Variants in PRKCA observed in about 807,000 individuals in gnomAD.
PRKCA encodes protein kinase C alpha.
In PRKCA, 27 loss-of-function variants were observed where a neutral mutation model predicts 87.0. The observed-to-expected ratio is 0.31, with a 90% CI of 0.23 to 0.43. The LOEUF (loss-of-function observed/expected upper bound fraction) is 0.43. PRKCA is among the 20% of genes least tolerant of loss of function. The pLI, the probability that PRKCA is intolerant of heterozygous loss-of-function variation, is 1.00. For missense variants in PRKCA, 518 were observed against 852.3 expected (o/e 0.61, Z 4.88); for synonymous variants, 329 against 311.1 (o/e 1.06, Z -0.61).
intron 13 of PRKCA, among the ~76,000 whole-genome samples, chr17:66,758,880 T>C (rs932089309): frequency 2.6e-5 from 4 of 152,202 alleles, no homozygotes; most frequent in Non-Finnish European, 4.4e-5. Context: ...TAAAATACTT[T>C]TAGTATTCTT....
chr17:66,457,518 G>A (rs1161346042), intron 2 of PRKCA, among the ~76,000 whole-genome samples: 3 of 152,124 alleles, frequency 2.0e-5, no homozygotes, highest in Non-Finnish European at 1.5e-5. Flanking sequence ...TAGCCATTGA[G>A]ATGGTTTGGC....
At chr17:66,660,977 C>T (rs1971883204) in intron 5 of PRKCA, among the ~76,000 whole-genome samples, 1 of 152,026 alleles carries the variant, frequency 6.6e-6, no homozygotes, top group Non-Finnish European at 1.5e-5. Context: ...GGGGAATTAG[C>T]AAAAGAAATC....
intron 2 of PRKCA, among the ~76,000 whole-genome samples, chr17:66,317,661 G>A (rs1905394382): frequency 6.6e-6 from 1 of 151,970 alleles, no homozygotes; most frequent in African/African-American, 2.4e-5. Context: ...AATAAGGAAT[G>A]ATTTGTGGTG....
At chr17:66,520,436 T>C (rs192575523) in intron 3 of PRKCA, among the ~76,000 whole-genome samples, 134 of 152,158 alleles carry the variant, frequency 8.8e-4, no homozygotes, top group Middle Eastern at 3.4e-3. Context: ...TGCTAATTTT[T>C]AAATCTTTTA....
intron 5 of PRKCA, among the ~76,000 whole-genome samples, chr17:66,650,054 A>G (rs192932194): frequency 0.058 from 8,861 of 152,302 alleles, 312 homozygotes; most frequent in Admixed American, 0.081. Context: ...TTTATGGTCC[A>G]GATGCGAGTG....
intron 2 of PRKCA, among the ~76,000 whole-genome samples, chr17:66,451,624 A>G (rs1402649469): frequency 6.6e-6 from 1 of 152,084 alleles, no homozygotes; most frequent in Non-Finnish European, 1.5e-5. Context: ...CTTTGATCAT[A>G]TTTGTATTTG....
At chr17:66,664,741 T>C (rs570523467) in intron 5 of PRKCA, among the ~76,000 whole-genome samples, 1 of 142,948 alleles carries the variant, frequency 7.0e-6, no homozygotes, top group Admixed American at 7.4e-5. Flanking sequence ...GCAGCCATGA[T>C]GAGCTGCCGG....
At chr17:66,451,067 G>A (rs923431814) in intron 2 of PRKCA, among the ~76,000 whole-genome samples, 1 of 152,202 alleles carries the variant, frequency 6.6e-6, no homozygotes, top group African/African-American at 2.4e-5. Context: ...AAGAAATGAT[G>A]AAGTGAATAT....
chr17:66,499,388 C>A (rs1291801553), intron 3 of PRKCA, among the ~76,000 whole-genome samples: 3 of 152,122 alleles, frequency 2.0e-5, no homozygotes, highest in African/African-American at 7.2e-5. Context: ...GTGATCGTAT[C>A]TCTGTGTTTG....
chr17:66,777,618 A>C, intron 14 of PRKCA: 5 of 985,276 alleles, frequency 5.1e-6, no homozygotes, highest in Non-Finnish European at 6.0e-6. Context: ...AGGCCCCCTA[A>C]GAGTCCTGCT....
intron 14 of PRKCA, among the ~76,000 whole-genome samples, chr17:66,779,479 CTTTGATTTCACTCCTACTGA>C (rs1245792548): frequency 1.3e-5 from 2 of 152,038 alleles, no homozygotes; most frequent in African/African-American, 2.4e-5. Flanking sequence ...GTTATTTATG[CTTTGATTTCACTCCTACTGA>C]ATCAGTAATC....
At chr17:66,520,818 T>G (rs1967136371) in intron 3 of PRKCA, among the ~76,000 whole-genome samples, 1 of 152,110 alleles carries the variant, frequency 6.6e-6, no homozygotes, top group Admixed American at 6.5e-5. Context: ...TTCCTAAACT[T>G]ATCAGGAAAA....
intron 3 of PRKCA, among the ~76,000 whole-genome samples, chr17:66,585,718 A>G (rs1969573714): frequency 6.6e-6 from 1 of 152,226 alleles, no homozygotes; most frequent in East Asian, 1.9e-4. Context: ...TTTGAAATCC[A>G]GCTCACTGTT....
chr17:66,578,135 T>TAAAAAA lies in PRKCA; in HGVS notation c.289-63216_289-63215insAAAAAA, dbSNP rs1491585607. 1.4e-5 allele frequency among the ~76,000 whole-genome samples: 2 copies of TAAAAAA among 140,408 alleles called. 1 individual carries two copies. The allele number at this position is 140,408 out of a possible 152,430, so 92.1% of individuals were successfully genotyped here. A position where few individuals can be genotyped will look rare whatever the true frequency, so the allele number is the denominator to read the frequency against. ...CAGCCAGCTAACGAGAGACTGAATT[T>TAAAAAA]AAAACAAAACAAAACAAAACAAAAC... On this transcript the variant is annotated intron_variant, in intron 3 of 16. Coordinates refer to ENST00000413366, the MANE Select transcript of PRKCA (RefSeq NM_002737.3).
intron 2 of PRKCA, among the ~76,000 whole-genome samples, chr17:66,417,904 C>T (rs1567818543): frequency 6.6e-6 from 1 of 152,168 alleles, no homozygotes; most frequent in East Asian, 1.9e-4. Flanking sequence ...AACTACTTAC[C>T]TCTTTTATTT....
chr17:66,304,711 C>T (rs1904711493), intron 1 of PRKCA, among the ~76,000 whole-genome samples: 1 of 152,202 alleles, frequency 6.6e-6, no homozygotes, highest in African/African-American at 2.4e-5. Flanking sequence ...TAGACATCTG[C>T]TCCCAAGTAC....
At chr17:66,428,160 G>A (rs184738147) in intron 2 of PRKCA, among the ~76,000 whole-genome samples, 1 of 152,272 alleles carries the variant, frequency 6.6e-6, no homozygotes, top group African/African-American at 2.4e-5. Flanking sequence ...ACTCTCTGTG[G>A]CTGATGTTGC....
At chr17:66,312,128 C>A (rs1905115408) in intron 2 of PRKCA, among the ~76,000 whole-genome samples, 1 of 152,154 alleles carries the variant, frequency 6.6e-6, no homozygotes, top group Admixed American at 6.5e-5. Context: ...ATTACAGATG[C>A]ATGCCACCAT....
chr17:66,348,551 A>G (rs987220567), intron 2 of PRKCA, among the ~76,000 whole-genome samples: 2 of 152,222 alleles, frequency 1.3e-5, no homozygotes, highest in African/African-American at 4.8e-5. Context: ...TTAAGAGGTT[A>G]GAAACATCAC....
Sources: gnomAD v4.1 joint callset for allele counts (sites outside exome capture counted in the v4.1 genomes callset) on GRCh38, gnomAD v4.1.1 for gene constraint, MANE v1.5 for transcripts, NCBI Gene and HGNC (gene_info 2026-07-23, HGNC 2026-07-21) for gene names.